The following GRIK2 variants were observed in gnomAD, a reference collection of about 807,000 sequenced individuals.
The protein encoded by GRIK2 is glutamate receptor ionotropic, kainate 2.
GRIK2 carries 32 observed loss-of-function variants against 100.3 expected under a neutral mutation model. The observed-to-expected ratio is 0.32, with a 90% confidence interval of 0.24 to 0.43. The LOEUF (loss-of-function observed/expected upper bound fraction) is 0.43. Among genes scored for constraint, GRIK2 ranks in the 20% least tolerant of loss-of-function variants. The pLI, the probability that GRIK2 is intolerant of heterozygous loss-of-function variation, is 1.00. For missense variants in GRIK2, 843 were observed against 1,114.9 expected (o/e 0.76, Z 3.47); for synonymous variants, 417 against 389.4 (o/e 1.07, Z -0.83).
At chr6:101,630,924 T>G (rs1042184185) in intron 4 of GRIK2, among the ~76,000 whole-genome samples, 1 of 152,146 alleles carries the variant, frequency 6.6e-6, no homozygotes, top group Non-Finnish European at 1.5e-5. Context: ...TGTATTCATT[T>G]CTTTTTTGTT....
At chr6:101,885,102 A>G (rs1263898515) in intron 11 of GRIK2, among the ~76,000 whole-genome samples, 2 of 152,150 alleles carry the variant, frequency 1.3e-5, no homozygotes, top group African/African-American at 2.4e-5. Context: ...TACAGTTACA[A>G]TAATATGTGC....
At chr6:102,055,216 A>T (rs1771405661) in intron 15 of GRIK2, 114 bp from the exon 16 acceptor site, 1 of 689,888 alleles carries the variant, frequency 1.4e-6, no homozygotes, top group East Asian at 2.7e-5. Flanking sequence ...CTGAAAAAAC[A>T]TTGGCACACT....
chr6:101,768,389 C>T (rs527873946), intron 7 of GRIK2, among the ~76,000 whole-genome samples: 7 of 152,190 alleles, frequency 4.6e-5, no homozygotes, highest in African/African-American at 1.7e-4. Flanking sequence ...GACTGTTCTC[C>T]CCAGTGATAT....
chr6:101,448,614 A>G (rs1770501381), intron 2 of GRIK2, among the ~76,000 whole-genome samples: 1 of 151,582 alleles, frequency 6.6e-6, no homozygotes, highest in Non-Finnish European at 1.5e-5. Context: ...TCTAACAAAA[A>G]TGATGTTTCT....
chr6:102,040,555 T>C (rs1408049408), intron 15 of GRIK2, among the ~76,000 whole-genome samples: 1 of 151,600 alleles, frequency 6.6e-6, no homozygotes, highest in Admixed American at 6.6e-5. Context: ...GTTAAATGCT[T>C]AAGATTCACT....
chr6:102,036,230 AACACACAC>A (rs775417100), intron 15 of GRIK2, among the ~76,000 whole-genome samples: 19 of 146,214 alleles, frequency 1.3e-4, no homozygotes, highest in African/African-American at 4.8e-4. Context: ...GCCGTAAGTA[AACACACAC>A]ACACACACAC....
intron 2 of GRIK2, among the ~76,000 whole-genome samples, chr6:101,451,617 C>T (rs996989637): frequency 6.7e-6 from 1 of 150,028 alleles, no homozygotes; most frequent in Non-Finnish European, 1.5e-5. Flanking sequence ...TCTGGATTTG[C>T]ACCCCATTTT....
chr6:102,064,996 A>C (rs916089088), intron 16 of GRIK2, among the ~76,000 whole-genome samples: 32 of 151,200 alleles, frequency 2.1e-4, no homozygotes, highest in African/African-American at 7.3e-4. Context: ...ACCTAAATAA[A>C]CCTATTTTTC....
rs184647028 is a variant in GRIK2 at position 101,722,621 on chromosome 6, C to T, written c.951+36268C>T. 1.6e-4 allele frequency among the ~76,000 whole-genome samples: 24 copies of T among 152,142 alleles called. No homozygotes were observed. The East Asian group carries it at 4.5e-3, about 28-fold the overall frequency. On this transcript the variant is annotated intron_variant, in intron 7 of 16. Transcript: ENST00000369134. The stretch of plus-strand genomic sequence containing the variant: ...TTATAAGGCTTCACCTTCTTCTCAA[C>T]CAGACAGTGTATCTGGACTGTATAC...
chr6:101,940,586 C>G (rs1790898381), intron 14 of GRIK2, among the ~76,000 whole-genome samples: 1 of 152,072 alleles, frequency 6.6e-6, no homozygotes, highest in African/African-American at 2.4e-5. Context: ...TAATGTGTTG[C>G]CCCTGCTGTG....
intron 2 of GRIK2, among the ~76,000 whole-genome samples, chr6:101,545,611 G>A (rs1776194442): frequency 6.6e-6 from 1 of 152,092 alleles, no homozygotes; most frequent in Non-Finnish European, 1.5e-5. Flanking sequence ...TGATTTTACA[G>A]AATATGGAAA....
At chr6:102,067,745 G>T (rs1017007194) in intron 16 of GRIK2, among the ~76,000 whole-genome samples, 4 of 151,734 alleles carry the variant, frequency 2.6e-5, no homozygotes, top group African/African-American at 2.4e-5. Context: ...GCTATAATTT[G>T]TCATTTCATG....
chr6:101,630,312 C>G (rs775849208), intron 4 of GRIK2, among the ~76,000 whole-genome samples: 3 of 152,130 alleles, frequency 2.0e-5, no homozygotes, highest in Non-Finnish European at 4.4e-5. Flanking sequence ...AATGGCTGAA[C>G]TAATTTACAT....
intron 2 of GRIK2, among the ~76,000 whole-genome samples, chr6:101,552,486 C>A (rs1376529671): frequency 6.6e-6 from 1 of 152,102 alleles, no homozygotes; most frequent in Non-Finnish European, 1.5e-5. Flanking sequence ...CCTAACCCTG[C>A]ATTATTTCTA....
At chr6:101,945,175 T>C (rs1791197695) in intron 14 of GRIK2, among the ~76,000 whole-genome samples, 1 of 152,162 alleles carries the variant, frequency 6.6e-6, no homozygotes, top group Non-Finnish European at 1.5e-5. Context: ...TAACTGATTT[T>C]TTTTTAGCTT....
chr6:101,669,761 A>G (rs1770291329), intron 4 of GRIK2, among the ~76,000 whole-genome samples: 1 of 152,158 alleles, frequency 6.6e-6, no homozygotes, highest in South Asian at 2.1e-4. Flanking sequence ...GGGTGGATAA[A>G]CATCTATTTT....
intron 2 of GRIK2, among the ~76,000 whole-genome samples, chr6:101,508,941 G>T (rs137893615): frequency 7.2e-5 from 11 of 152,028 alleles, no homozygotes; most frequent in African/African-American, 2.4e-4. Context: ...GGATCATGAG[G>T]GCAGGAGATC....
intron 12 of GRIK2, among the ~76,000 whole-genome samples, chr6:101,891,922 T>C (rs556596918): frequency 9.9e-5 from 15 of 152,168 alleles, no homozygotes; most frequent in Non-Finnish European, 1.6e-4. Context: ...CTCTAGTTTA[T>C]GTGTTCAGAG....
intron 2 of GRIK2, among the ~76,000 whole-genome samples, chr6:101,518,666 G>A (rs192894886): frequency 7.2e-5 from 11 of 152,244 alleles, no homozygotes; most frequent in Admixed American, 3.3e-4. Flanking sequence ...TTTGAGAAAC[G>A]TGGCCCACTA....
Sources: allele counts gnomAD v4.1 joint callset (sites outside exome capture counted in the v4.1 genomes callset), GRCh38; gene constraint gnomAD v4.1.1; transcripts MANE v1.5; gene names NCBI Gene and HGNC (gene_info 2026-07-23, HGNC 2026-07-21).